NPAS3: variants seen among roughly 807,000 people sequenced by gnomAD.
NPAS3 encodes the protein neuronal PAS domain protein 3, also known as neuronal PAS domain-containing protein 3.
A neutral mutation model predicts 73.1 loss-of-function variants in NPAS3; 14 were observed. The observed-to-expected ratio is 0.19, with a 90% CI of 0.13 to 0.30. The LOEUF (loss-of-function observed/expected upper bound fraction) is 0.30. Among genes scored for constraint, NPAS3 ranks in the 10% least tolerant of loss-of-function variants. The pLI is 1.00. For synonymous variants in NPAS3, 620 were observed against 541.5 expected, an observed-to-expected ratio of 1.14 and a Z score of -2.01; for missense variants, 1,096 against 1,250.0, an observed-to-expected ratio of 0.88 and a Z score of 1.86.
chr14:33,665,173 A>G (rs2059418625), intron 5 of NPAS3, among the ~76,000 whole-genome samples: 1 of 152,228 alleles, frequency 6.6e-6, no homozygotes, highest in African/African-American at 2.4e-5. Context: ...AATACTATGC[A>G]GCCATAAAAA....
At chr14:33,168,130 G>A (rs2045238380) in intron 2 of NPAS3, among the ~76,000 whole-genome samples, 1 of 152,308 alleles carries the variant, frequency 6.6e-6, no homozygotes. Context: ...AAGAGCCCAA[G>A]ATTGCATACG....
chr14:33,706,481 C>T (rs1056941708), intron 6 of NPAS3, among the ~76,000 whole-genome samples: 1 of 152,136 alleles, frequency 6.6e-6, no homozygotes, highest in Non-Finnish European at 1.5e-5. Flanking sequence ...TGCCTTCCCC[C>T]ATAGATCTGG....
At chr14:33,565,937 A>G (rs1235158028) in intron 5 of NPAS3, among the ~76,000 whole-genome samples, 2 of 151,134 alleles carry the variant, frequency 1.3e-5, no homozygotes, top group Admixed American at 6.6e-5. Context: ...GCAGCTTGTG[A>G]CCACCCCCCT....
intron 1 of NPAS3, among the ~76,000 whole-genome samples, chr14:32,968,223 G>A (rs1281504391): frequency 6.6e-6 from 1 of 152,136 alleles, no homozygotes; most frequent in African/African-American, 2.4e-5. Context: ...AGCTAGAAGA[G>A]AGGATTTTGG....
At chr14:33,295,034 A>G (rs1161593773) in intron 3 of NPAS3, among the ~76,000 whole-genome samples, 2 of 152,214 alleles carry the variant, frequency 1.3e-5, no homozygotes, top group Non-Finnish European at 1.5e-5. Flanking sequence ...AGATAATTTT[A>G]TAGAAAAAAT....
At chr14:33,199,131 C>T (rs565301109) in intron 2 of NPAS3, among the ~76,000 whole-genome samples, 29 of 152,272 alleles carry the variant, frequency 1.9e-4, no homozygotes, top group African/African-American at 7.0e-4. Context: ...CCCTCCACAC[C>T]TCCCCGCAAG....
chr14:33,299,993 A>C (rs1464534252), intron 3 of NPAS3, among the ~76,000 whole-genome samples: 2 of 152,316 alleles, frequency 1.3e-5, no homozygotes, highest in Non-Finnish European at 2.9e-5. Flanking sequence ...GTTAACTTTT[A>C]AATTTGAAGA....
chr14:33,013,615 T>A (rs2139661588), intron 1 of NPAS3, among the ~76,000 whole-genome samples: 1 of 152,286 alleles, frequency 6.6e-6, no homozygotes, highest in African/African-American at 2.4e-5. Context: ...TTAAAATATA[T>A]TTTACTGTAC....
intron 5 of NPAS3, among the ~76,000 whole-genome samples, chr14:33,591,386 A>G (rs1323028658): frequency 1.3e-5 from 2 of 152,180 alleles, no homozygotes; most frequent in African/African-American, 4.8e-5. Flanking sequence ...CACTGGTTGG[A>G]CTAGAGAGTG....
intron 5 of NPAS3, among the ~76,000 whole-genome samples, chr14:33,675,496 A>T (rs1196205844): frequency 6.6e-6 from 1 of 152,172 alleles, no homozygotes; most frequent in African/African-American, 2.4e-5. Context: ...AACATTTTTT[A>T]AAAAGCCTTC....
intron 4 of NPAS3, among the ~76,000 whole-genome samples, chr14:33,441,992 G>A (rs964772456): frequency 6.6e-6 from 1 of 152,076 alleles, no homozygotes; most frequent in African/African-American, 2.4e-5. Context: ...TTTTGGTGGG[G>A]ACACAGCCAA....
At chr14:33,293,948 T>A (rs1014257618) in intron 3 of NPAS3, among the ~76,000 whole-genome samples, 11 of 152,186 alleles carry the variant, frequency 7.2e-5, no homozygotes, top group African/African-American at 2.7e-4. Context: ...AGACAACATT[T>A]ATTAAATAGT....
chr14:33,328,724 TTACCTTTATTTTC>T (rs1168683039), intron 3 of NPAS3, among the ~76,000 whole-genome samples: 1 of 152,036 alleles, frequency 6.6e-6, no homozygotes, highest in Non-Finnish European at 1.5e-5. Flanking sequence ...CCCAAAGGGT[TTACCTTTATTTTC>T]TACCTTTTCC....
chr14:33,246,482 G>C (rs2048382679), intron 3 of NPAS3, among the ~76,000 whole-genome samples: 1 of 146,434 alleles, frequency 6.8e-6, no homozygotes. Context: ...GGAGCCTGCA[G>C]TGAGCCGAGA....
At chr14:32,974,517 A>G (rs143360517) in intron 1 of NPAS3, among the ~76,000 whole-genome samples, 14 of 152,324 alleles carry the variant, frequency 9.2e-5, no homozygotes, top group African/African-American at 3.1e-4. Flanking sequence ...AATCAGAAAA[A>G]TTGGCCAGTA....
At chr14:33,453,673 G>A (rs1355065662) in intron 4 of NPAS3, among the ~76,000 whole-genome samples, 1 of 152,182 alleles carries the variant, frequency 6.6e-6, no homozygotes, top group Non-Finnish European at 1.5e-5. Context: ...GATTTCACCA[G>A]TTCGGATTTT....
chr14:33,050,553 C>T (rs2040668043), intron 1 of NPAS3, among the ~76,000 whole-genome samples: 1 of 152,128 alleles, frequency 6.6e-6, no homozygotes, highest in African/African-American at 2.4e-5. Context: ...CACATTATTG[C>T]TAATGACAGA....
intron 2 of NPAS3, among the ~76,000 whole-genome samples, chr14:33,155,988 CA>C (rs1165773699): frequency 2.0e-5 from 3 of 151,994 alleles, no homozygotes; most frequent in African/African-American, 7.3e-5. Flanking sequence ...TATTGCTTGG[CA>C]AAGATAGATC....
chr14:33,763,821 T>C (rs1268737753), intron 7 of NPAS3, among the ~76,000 whole-genome samples: 1 of 149,816 alleles, frequency 6.7e-6, no homozygotes, highest in Non-Finnish European at 1.5e-5. Context: ...TAAAGAATTT[T>C]TTATCTAAAT....
Sources: allele counts gnomAD v4.1 joint callset (sites outside exome capture counted in the v4.1 genomes callset), GRCh38; gene constraint gnomAD v4.1.1; transcripts MANE v1.5; gene names NCBI Gene and HGNC (gene_info 2026-07-23, HGNC 2026-07-21).